IGSF5: variants seen among roughly 807,000 people sequenced by gnomAD.
IGSF5 encodes immunoglobulin superfamily 5 like.
IGSF5 carries 41 observed loss-of-function variants against 39.4 expected under a neutral mutation model. The observed-to-expected ratio is 1.04, with a 90% CI of 0.81 to 1.35. The LOEUF is 1.35. IGSF5 is among the 40% of genes most tolerant of loss of function. The probability of loss-of-function intolerance (pLI) is 0.00; values close to 1 mark genes in which losing one functional copy is unlikely to be tolerated. For missense variants in IGSF5, 487 were observed against 494.6 expected, an observed-to-expected ratio of 0.98 and a Z score of 0.15; for synonymous variants, 183 against 175.3, an observed-to-expected ratio of 1.04 and a Z score of -0.34.
the IGSF5 span, among the ~76,000 whole-genome samples, chr21:39,715,962 C>T: frequency 6.6e-6 from 1 of 152,188 alleles, no homozygotes; most frequent in Non-Finnish European, 1.5e-5. Context: ...AAGTCTTTCT[C>T]ATTCAGTATA....
In IGSF5 at chr21:39,801,391, C is replaced by A; in HGVS notation, c.*34C>A. 6.7e-7 allele frequency: 1 copy of A among 1,498,346 alleles called. No individual in the cohort carries two copies. The highest frequency in any genetic ancestry group is 9.3e-7 in the Non-Finnish European group (1 of 1,075,984). 92.8% of individuals were successfully genotyped at this position (1,498,346 alleles called of 1,614,324 possible). A position where few individuals can be genotyped will look rare whatever the true frequency, so the allele number is the denominator to read the frequency against. ...TCCCCAAGCTCCACTGAGCACTTGG[C>A]TGACAATTCAAAACACGGCGATGGC... On this transcript the variant is annotated 3_prime_UTR_variant, in exon 9 of 9. Coordinates refer to ENST00000380588, the MANE Select transcript of IGSF5 (RefSeq NM_001080444.2).
intron 5 of IGSF5, among the ~76,000 whole-genome samples, chr21:39,787,669 T>C (rs2086931536): frequency 6.7e-6 from 1 of 150,184 alleles, no homozygotes; most frequent in African/African-American, 2.4e-5. Flanking sequence ...ATTAATATAA[T>C]AGTGTCTAGT....
intron 2 of IGSF5, among the ~76,000 whole-genome samples, chr21:39,751,596 T>C (rs1402673307): frequency 1.4e-5 from 2 of 140,138 alleles, no homozygotes; most frequent in Admixed American, 1.6e-4. Context: ...GGTTGAAAGC[T>C]GAGACTTGGC....
intron 2 of IGSF5, among the ~76,000 whole-genome samples, chr21:39,749,980 C>G (rs940059432): frequency 6.6e-6 from 1 of 152,128 alleles, no homozygotes; most frequent in East Asian, 1.9e-4. Context: ...TGAAATTCAA[C>G]GGAACTGTTT....
At chr21:39,745,143 C>G (rs1273894636), upstream of IGSF5, among the ~76,000 whole-genome samples, 2 of 144,836 alleles carry the variant, frequency 1.4e-5, no homozygotes, top group African/African-American at 4.9e-5. Flanking sequence ...CTCTCTGTCT[C>G]TCTCTCTCTC....
chr21:39,791,226 A>C (rs2086963006), intron 6 of IGSF5, among the ~76,000 whole-genome samples: 1 of 152,230 alleles, frequency 6.6e-6, no homozygotes, highest in African/African-American at 2.4e-5. Flanking sequence ...GACAGATGCC[A>C]TGGAATTCCA....
intron 2 of IGSF5, among the ~76,000 whole-genome samples, chr21:39,765,209 GA>G (rs1472578827): frequency 6.6e-6 from 1 of 152,180 alleles, no homozygotes; most frequent in Non-Finnish European, 1.5e-5. Flanking sequence ...TTCATCTTGA[GA>G]TCCTTACCTA....
chr21:39,712,980 A>G, the IGSF5 span, among the ~76,000 whole-genome samples: 1 of 152,194 alleles, frequency 6.6e-6, no homozygotes, highest in Non-Finnish European at 1.5e-5. Context: ...GACATTGGGA[A>G]GAAGTCCCTC....
chr21:39,752,078 G>A (rs912025311), intron 2 of IGSF5, among the ~76,000 whole-genome samples: 3 of 152,048 alleles, frequency 2.0e-5, no homozygotes, highest in African/African-American at 7.2e-5. Context: ...ACATGAATAA[G>A]TTCTTAAATG....
chr21:39,744,551 C>G (rs185355683), upstream of IGSF5, among the ~76,000 whole-genome samples: 256 of 152,284 alleles, frequency 1.7e-3, 2 homozygotes, highest in East Asian at 9.6e-4. Context: ...CTGGGAGGAA[C>G]CATCTATCAT....
At chr21:39,725,229 G>C in the IGSF5 span, among the ~76,000 whole-genome samples, 2 of 152,240 alleles carry the variant, frequency 1.3e-5, no homozygotes, top group African/African-American at 4.8e-5. Context: ...TCTGCTGTTT[G>C]TAGGAGTGCC....
the IGSF5 span, among the ~76,000 whole-genome samples, chr21:39,735,782 A>C: frequency 1.3e-5 from 2 of 152,222 alleles, no homozygotes; most frequent in African/African-American, 4.8e-5. Context: ...GCAGGGCAAA[A>C]ATCGATGACT....
Position 39,779,113 on chromosome 21 carries a change from C to G in IGSF5, c.742C>G (p.Pro248Ala), listed in dbSNP as rs374282480. 271 of 1,611,858 alleles carry G rather than the reference C, an allele frequency of 1.7e-4. No homozygotes were observed. The highest frequency in any genetic ancestry group is 2.2e-4 in the Non-Finnish European group (254 of 1,178,238). Residue 248 changes from proline to alanine, a missense_variant, in exon 5 of 9, where the codon CCA (proline) becomes GCA (alanine). By Grantham distance (27) the Pro-to-Ala change is conservative. Transcript: ENST00000380588. ...AGACACTGGAGGTGGTATTAATATT[C>G]CAGGTGTATTATCAAGTTTACCGAG... Reference protein sequence around the residue: ...PQDTGGGINIPGVLSSLPSLG... With the variant: ...PQDTGGGINIAGVLSSLPSLG...
At chr21:39,759,316 T>G (rs2837171) in intron 2 of IGSF5, among the ~76,000 whole-genome samples, 1 of 152,096 alleles carries the variant, frequency 6.6e-6, no homozygotes, top group Non-Finnish European at 1.5e-5. Context: ...TATTCTAAAG[T>G]CCTGTAGTAA....
In IGSF5 at chr21:39,775,968, C is replaced by T. The variant is rs762135869; in HGVS notation, c.719-3122C>T. Among the ~76,000 whole-genome samples, 7 of 152,140 alleles carry T rather than the reference C, an allele frequency of 4.6e-5. No individual in the cohort carries two copies. The East Asian group carries it at 1.3e-3, about 29-fold the overall frequency. The stretch of plus-strand genomic sequence containing the variant: ...GCCCTGTGGCTTCCTGTTCTGGGCT[C>T]CCTGTGCCATTTACTTAGTCACTCT... On this transcript the variant is annotated intron_variant, in intron 4 of 8. Transcript: ENST00000380588.
At chr21:39,726,778 G>A in the IGSF5 span, among the ~76,000 whole-genome samples, 12 of 152,262 alleles carry the variant, frequency 7.9e-5, no homozygotes, top group South Asian at 2.5e-3. Flanking sequence ...CCCTACCTGA[G>A]GGCCTCCAGG....
chr21:39,757,155 C>T (rs911339964), intron 2 of IGSF5, among the ~76,000 whole-genome samples: 6 of 152,070 alleles, frequency 3.9e-5, no homozygotes, highest in Non-Finnish European at 5.9e-5. Context: ...TGCACCTTCC[C>T]GGGGGCTTTT....
intron 6 of IGSF5, among the ~76,000 whole-genome samples, chr21:39,788,714 T>C (rs1262684048): frequency 1.3e-5 from 2 of 152,198 alleles, no homozygotes; most frequent in Non-Finnish European, 2.9e-5. Flanking sequence ...TGCCCAGAAG[T>C]AGCTGCAAGC....
intron 3 of IGSF5, among the ~76,000 whole-genome samples, chr21:39,769,991 C>G (rs2080106091): frequency 1.3e-5 from 2 of 151,998 alleles, no homozygotes; most frequent in Admixed American, 1.3e-4. Flanking sequence ...ACAAAGAGAG[C>G]CAAAAAAATT....
Sources: gnomAD v4.1 joint callset for allele counts (sites outside exome capture counted in the v4.1 genomes callset) on GRCh38, gnomAD v4.1.1 for gene constraint, MANE v1.5 for transcripts, NCBI Gene and HGNC (gene_info 2026-07-23, HGNC 2026-07-21) for gene names.